The following TFEB variants were observed in gnomAD, a reference collection of about 807,000 sequenced individuals.
TFEB encodes the protein T-cell transcription factor EB.
A neutral mutation model predicts 48.0 loss-of-function variants in TFEB; 12 were observed. That is an observed-to-expected ratio of 0.25 (90% CI 0.16 to 0.40). The LOEUF is 0.40. Ranked by LOEUF, TFEB falls within the 10% of genes least tolerant of loss-of-function variation. The probability of loss-of-function intolerance (pLI) is 1.00; values close to 1 mark genes in which losing one functional copy is unlikely to be tolerated. For missense variants in TFEB, 509 were observed against 640.3 expected (o/e 0.79, Z 2.21); for synonymous variants, 244 against 261.4 (o/e 0.93, Z 0.64).
Position 41,734,481 on chromosome 6 carries a change from G to A in TFEB, c.-23+869C>T. ...AGGCGAGCGGACGCGCTGGGCCAGA[G>A]CTGGTCGGGACAGCCCAGGGGTGGG... is the stretch of plus-strand genomic sequence containing the variant. On this transcript the variant is annotated intron_variant, in intron 1 of 8. Coordinates refer to ENST00000373033, the MANE Select transcript of TFEB (RefSeq NM_001271944.2). The surrounding 1 kb of genome is among the most constrained non-coding windows in gnomAD (Gnocchi z 4.0). 1.5e-6 allele frequency: 1 copy of A among 681,254 alleles called. No individual in the cohort carries two copies. The highest frequency in any genetic ancestry group is 1.8e-6 in the Non-Finnish European group (1 of 552,540). 42.2% of individuals were successfully genotyped at this position (681,254 alleles called of 1,614,324 possible).
At position 41,683,988 on chromosome 6, in the gene TFEB, A is replaced by T. The variant is rs1445105000; in HGVS notation, c.*611T>A. 9.3e-6 allele frequency: 2 copies of T among 214,700 alleles called. No individual in the cohort carries two copies. Among genetic ancestry groups the T allele is most frequent in the East Asian group, 1.4e-4 (2 of 14,400 alleles). 13.3% of individuals were successfully genotyped at this position (214,700 alleles called of 1,614,324 possible). On this transcript the variant is annotated 3_prime_UTR_variant, in exon 9 of 9. Coordinates refer to ENST00000373033, the MANE Select transcript of TFEB (RefSeq NM_001271944.2). ...GACAGGACCAGCAAGTACAAAGCAC[A>T]GTGTTTACTAAAGGCACAAAGTGAG...
In TFEB at chr6:41,734,315, G is replaced by A; in HGVS notation, c.-23+1035C>T. ...CCCGGGCTCCCTCCCTTCCTCACCCGGGGCGCGGGGCTGGGGCGCGCCAGG... is the reference window on the plus strand; with the variant it reads ...CCCGGGCTCCCTCCCTTCCTCACCCAGGGCGCGGGGCTGGGGCGCGCCAGG... On this transcript the variant is annotated intron_variant, in intron 1 of 8. Coordinates refer to ENST00000373033, the MANE Select transcript of TFEB (RefSeq NM_001271944.2). This position sits in a 1 kb window ranked among gnomAD's most constrained non-coding sequence, Gnocchi z 4.0. The A allele has an allele frequency of 1.0e-6, 1 of 982,982 alleles. No individual in the cohort carries two copies. Among genetic ancestry groups the A allele is most frequent in the African/African-American group, 1.7e-5 (1 of 57,190 alleles). 60.9% of individuals were successfully genotyped at this position (982,982 alleles called of 1,614,324 possible).
At chr6:41,719,354 T>C (rs1770881532) in intron 1 of TFEB, among the ~76,000 whole-genome samples, 1 of 152,242 alleles carries the variant, frequency 6.6e-6, no homozygotes, top group Non-Finnish European at 1.5e-5. Flanking sequence ...GTAATGCTCT[T>C]GAATGATCCT....
At position 41,720,238 on chromosome 6, in the gene TFEB, TG is replaced by T. The variant is rs901731956; in HGVS notation, c.-23+15111del. Among the ~76,000 whole-genome samples, 4 of 152,122 alleles carry T rather than the reference TG, an allele frequency of 2.6e-5. No homozygotes were observed. The highest frequency in any genetic ancestry group is 9.7e-5 in the African/African-American group (4 of 41,424). On this transcript the variant is annotated intron_variant, in intron 1 of 8. Coordinates refer to ENST00000373033, the MANE Select transcript of TFEB (RefSeq NM_001271944.2). The surrounding 1 kb of genome is among the most constrained non-coding windows in gnomAD (Gnocchi z 4.1). Reference sequence around the variant, plus strand: ...CAATGAAGAGTGGAGCTTTAGAGGTTGGGGGTTCCCAGATTTAGGCCAGATC... The same window carrying T: ...CAATGAAGAGTGGAGCTTTAGAGGTTGGGGTTCCCAGATTTAGGCCAGATC...
In TFEB at chr6:41,721,025, G is replaced by C. The variant is rs187424987; in HGVS notation, c.-23+14325C>G. 4.8e-3 allele frequency among the ~76,000 whole-genome samples: 722 copies of C among 149,914 alleles called. 5 individuals are homozygous for C. The highest frequency in any genetic ancestry group is 0.028 in the Middle Eastern group (8 of 290). ...GGTAGCTCTCCAGCCCCCAGCCCCAGCCCCCAGGACCCAGGCCAACCATTC... is the reference window on the plus strand; with the variant it reads ...GGTAGCTCTCCAGCCCCCAGCCCCACCCCCCAGGACCCAGGCCAACCATTC... On this transcript the variant is annotated intron_variant, in intron 1 of 8. Coordinates refer to ENST00000373033, the MANE Select transcript of TFEB (RefSeq NM_001271944.2).
At position 41,691,044 on chromosome 6, in the gene TFEB, A is replaced by G. The variant is rs750809443; in HGVS notation, c.170T>C (p.Val57Ala). Residue 57 changes from valine to alanine, a missense_variant, in exon 2 of 9, where the codon GTC becomes GCC. Coordinates refer to ENST00000373033, the MANE Select transcript of TFEB (RefSeq NM_001271944.2). The surrounding 1 kb of genome is among the most constrained non-coding windows in gnomAD (Gnocchi z 5.2). Reference sequence around the variant, plus strand: ...CACAGGTGGTGGCGACTGGAAGTGGACGGGGGTATTGATGGCCGGGGTGGG... The same window carrying G: ...CACAGGTGGTGGCGACTGGAAGTGGGCGGGGGTATTGATGGCCGGGGTGGG... ...GPPTPAINTPVHFQSPPPVPG... is the reference protein window; with the variant it reads ...GPPTPAINTPAHFQSPPPVPG... The G allele has an allele frequency of 3.8e-6, 6 of 1,574,146 alleles. No individual in the cohort carries two copies. In the Admixed American group the frequency reaches 1.1e-4, roughly 30 times the overall value.
intron 7 of TFEB, chr6:41,686,473 C>CT (rs1769010029): frequency 7.8e-6 from 3 of 384,878 alleles, no homozygotes; most frequent in African/African-American, 8.7e-5. Context: ...CAGCCTCCTT[C>CT]CCAGACTACC....
rs1769249763 is a variant in TFEB, at chr6:41,690,593, G to A, written c.468+70C>T. ...ACCCCTGCCTCTGCCATTAGACTGGGAGTCTCAGAAGCACAGCAGTGGGCA... is the reference window on the plus strand; with the variant it reads ...ACCCCTGCCTCTGCCATTAGACTGGAAGTCTCAGAAGCACAGCAGTGGGCA... On this transcript the variant is annotated intron_variant, in intron 3 of 8. Coordinates refer to ENST00000373033, the MANE Select transcript of TFEB (RefSeq NM_001271944.2). 5 of 1,440,414 alleles carry A rather than the reference G, an allele frequency of 3.5e-6. No individual in the cohort carries two copies. The South Asian group carries it at 6.3e-5, about 18-fold the overall frequency. 89.2% of individuals were successfully genotyped at this position (1,440,414 alleles called of 1,614,324 possible).
rs1208934081 is a variant in TFEB, at chr6:41,734,877, C to T, written c.-23+473G>A. ...CTCCCCCCGCTGGCCTGGCCAGACT[C>T]AGCCCCCGCACACCTCCCCTACCTC... On this transcript the variant is annotated intron_variant, in intron 1 of 8. Coordinates refer to ENST00000373033, the MANE Select transcript of TFEB (RefSeq NM_001271944.2). This position sits in a 1 kb window ranked among gnomAD's most constrained non-coding sequence, Gnocchi z 4.0. 1 of 984,946 alleles carries T rather than the reference C, an allele frequency of 1.0e-6. No homozygotes were observed. The highest frequency in any genetic ancestry group is 1.2e-6 in the Non-Finnish European group (1 of 829,686). The allele number at this position is 984,946 out of a possible 1,614,324, so 61.0% of individuals were successfully genotyped here.
chr6:41,687,366 T>C (rs1769065770), intron 6 of TFEB, among the ~76,000 whole-genome samples, 197 bp from the exon 7 acceptor site: 1 of 151,758 alleles, frequency 6.6e-6, no homozygotes, highest in South Asian at 2.1e-4. Context: ...CCAGACACAA[T>C]TAAGAGCACT....
rs1019436135 is a variant in TFEB, at chr6:41,724,365, C to G, written c.-23+10985G>C. On this transcript the variant is annotated intron_variant, in intron 1 of 8. Transcript: ENST00000373033. The surrounding 1 kb of genome is among the most constrained non-coding windows in gnomAD (Gnocchi z 4.4). ...GGTGGATGAGTTTACTGGGCCCTTT[C>G]GTGAGTGCAGGTTTCAGGAAGGAAG... 6.6e-6 allele frequency among the ~76,000 whole-genome samples: 1 copy of G among 152,112 alleles called. No homozygotes were observed. Among genetic ancestry groups the G allele is most frequent in the Non-Finnish European group, 1.5e-5 (1 of 68,018 alleles).
At chr6:41,690,499 T>C (rs937499650) in intron 3 of TFEB, among the ~76,000 whole-genome samples, 164 bp downstream of exon 3, 1 of 152,180 alleles carries the variant, frequency 6.6e-6, no homozygotes, top group Non-Finnish European at 1.5e-5. Flanking sequence ...GGGCTGTGTC[T>C]TCCCCCCTGA....
At chr6:41,722,225 C>T (rs1771013436) in intron 1 of TFEB, among the ~76,000 whole-genome samples, 1 of 152,220 alleles carries the variant, frequency 6.6e-6, no homozygotes, top group Non-Finnish European at 1.5e-5. Flanking sequence ...GGGGACCCGC[C>T]CACCTCGGCC....
In TFEB at chr6:41,734,211, A is replaced by G. The variant is rs755681704; in HGVS notation, c.-23+1139T>C. The G allele has an allele frequency of 2.5e-4, 83 of 326,614 alleles. No individual in the cohort carries two copies. Among genetic ancestry groups the G allele is most frequent in the Admixed American group, 3.2e-4 (5 of 15,496 alleles). 20.2% of individuals were successfully genotyped at this position (326,614 alleles called of 1,614,324 possible). On this transcript the variant is annotated intron_variant, in intron 1 of 8. Coordinates refer to ENST00000373033, the MANE Select transcript of TFEB (RefSeq NM_001271944.2). The surrounding 1 kb of genome is among the most constrained non-coding windows in gnomAD (Gnocchi z 4.0). Reference sequence around the variant, plus strand: ...GCTGGAGCTGAGGGGGGTTCGGGGGAAGGCGCAGCGGCCAGGGGCTGGCGG... The same window carrying G: ...GCTGGAGCTGAGGGGGGTTCGGGGGGAGGCGCAGCGGCCAGGGGCTGGCGG...
intron 1 of TFEB, among the ~76,000 whole-genome samples, chr6:41,729,843 A>C (rs1771377785): frequency 1.3e-5 from 2 of 152,220 alleles, no homozygotes; most frequent in Non-Finnish European, 2.9e-5. Flanking sequence ...ACCAGGCCCA[A>C]AGTCAGAGAC....
chr6:41,710,768 G>T (rs1279177042), intron 1 of TFEB, among the ~76,000 whole-genome samples: 1 of 152,022 alleles, frequency 6.6e-6, no homozygotes, highest in Non-Finnish European at 1.5e-5. Flanking sequence ...AACCCAATCT[G>T]GGCCCCCAGA....
chr6:41,704,253 C>G (rs1770089455), intron 1 of TFEB, among the ~76,000 whole-genome samples: 2 of 152,244 alleles, frequency 1.3e-5, no homozygotes, highest in Admixed American at 1.3e-4. Context: ...GACAGCCGGG[C>G]TTAGTGGATC....
chr6:41,685,427 C>T (rs983228386), intron 8 of TFEB, among the ~76,000 whole-genome samples: 1 of 152,164 alleles, frequency 6.6e-6, no homozygotes, highest in Non-Finnish European at 1.5e-5. Context: ...ACTGATTTTT[C>T]ACTTTGTGCC....
At position 41,723,672 on chromosome 6, in the gene TFEB, G is replaced by T; in HGVS notation, c.-23+11678C>A. ...CAAATGCGGCCGAGGATTACTCACAGCACAGAGGGAACTGCGCCCCGACGG... is the reference window on the plus strand; with the variant it reads ...CAAATGCGGCCGAGGATTACTCACATCACAGAGGGAACTGCGCCCCGACGG... On this transcript the variant is annotated intron_variant, in intron 1 of 8. Coordinates refer to ENST00000373033, the MANE Select transcript of TFEB (RefSeq NM_001271944.2). This position sits in a 1 kb window ranked among gnomAD's most constrained non-coding sequence, Gnocchi z 6.0. 1.7e-6 allele frequency: 1 copy of T among 587,286 alleles called. No homozygotes were observed. The highest frequency in any genetic ancestry group is 2.6e-6 in the Non-Finnish European group (1 of 386,280). The allele number at this position is 587,286 out of a possible 1,614,324, so 36.4% of individuals were successfully genotyped here.
Sources: allele counts gnomAD v4.1 joint callset (sites outside exome capture counted in the v4.1 genomes callset), GRCh38; gene constraint gnomAD v4.1.1; non-coding constraint Gnocchi (gnomAD v3.1); transcripts MANE v1.5; gene names NCBI Gene and HGNC (gene_info 2026-07-23, HGNC 2026-07-21).